Variants in CSMD1 observed in about 807,000 individuals in gnomAD.
CSMD1 encodes the protein CUB and Sushi multiple domains 1, also known as CUB and sushi domain-containing protein 1.
In CSMD1, 213 loss-of-function variants were observed where a neutral mutation model predicts 417.5. The observed-to-expected ratio is 0.51, with a 90% CI of 0.46 to 0.57. The LOEUF (loss-of-function observed/expected upper bound fraction) is 0.57. CSMD1 is among the 20% of genes least tolerant of loss of function. CSMD1 has a pLI of 0.00. For synonymous variants in CSMD1, 2,862 were observed against 1,736.8 expected, an observed-to-expected ratio of 1.65 and a Z score of -16.11; for missense variants, 6,923 against 4,529.7, an observed-to-expected ratio of 1.53 and a Z score of -15.17.
Position 4,692,178 on chromosome 8 carries a change from C to T in CSMD1, c.86-54620G>A, listed in dbSNP as rs114417325. On this transcript the variant is annotated intron_variant, in intron 1 of 69. Coordinates refer to ENST00000635120, the MANE Select transcript of CSMD1 (RefSeq NM_033225.6). ...CTGTCCCTTCTGGAAACCAGCAGCC[C>T]CTGGCCTGACCTCACAGGGAAATCA... 7.7e-3 allele frequency among the ~76,000 whole-genome samples: 1,172 copies of T among 152,236 alleles called. 17 individuals carry two copies. Among genetic ancestry groups the T allele is most frequent in the African/African-American group, 0.026 (1,067 of 41,538 alleles).
intron 3 of CSMD1, among the ~76,000 whole-genome samples, chr8:4,087,359 T>C (rs747085584): frequency 2.0e-5 from 3 of 152,232 alleles, no homozygotes; most frequent in Non-Finnish European, 4.4e-5. Flanking sequence ...AGTCTGAATT[T>C]GCTTCTCAAA....
At chr8:4,233,479 A>T (rs749061957) in intron 3 of CSMD1, among the ~76,000 whole-genome samples, 1 of 152,176 alleles carries the variant, frequency 6.6e-6, no homozygotes, top group African/African-American at 2.4e-5. Context: ...TTTGATTAGG[A>T]AGAAGGAGCT....
At chr8:4,019,777 G>A (rs1172145651) in intron 4 of CSMD1, among the ~76,000 whole-genome samples, 1 of 152,090 alleles carries the variant, frequency 6.6e-6, no homozygotes, top group Non-Finnish European at 1.5e-5. Flanking sequence ...AAGTGGTGGT[G>A]TGTAAAATAA....
intron 3 of CSMD1, among the ~76,000 whole-genome samples, chr8:4,295,159 TATA>T (rs1221813749): frequency 1.4e-5 from 2 of 143,732 alleles, no homozygotes; most frequent in African/African-American, 5.0e-5. Context: ...ATTACGCACA[TATA>T]ATCTTAAGAT....
At chr8:4,156,927 G>T (rs13261295) in intron 3 of CSMD1, among the ~76,000 whole-genome samples, 4 of 152,012 alleles carry the variant, frequency 2.6e-5, no homozygotes, top group Admixed American at 2.0e-4. Context: ...ATTTGTGAGG[G>T]TTACGAAACT....
At chr8:2,972,053 T>C (rs1306032452) in intron 57 of CSMD1, among the ~76,000 whole-genome samples, 1 of 152,174 alleles carries the variant, frequency 6.6e-6, no homozygotes, top group Non-Finnish European at 1.5e-5. Flanking sequence ...AAATATAATA[T>C]ATAAATATGC....
intron 26 of CSMD1, among the ~76,000 whole-genome samples, chr8:3,243,958 G>A (rs375510948): frequency 1.3e-5 from 2 of 152,136 alleles, no homozygotes; most frequent in Non-Finnish European, 2.9e-5. Flanking sequence ...CGAGGTATTA[G>A]TTCATAGAAG....
chr8:3,575,682 G>A (rs750754772), intron 9 of CSMD1, among the ~76,000 whole-genome samples: 2 of 150,936 alleles, frequency 1.3e-5, no homozygotes, highest in Non-Finnish European at 2.9e-5. Context: ...AAAATTTATT[G>A]CAAGTTTAAA....
At chr8:4,690,090 A>G (rs1015700908) in intron 1 of CSMD1, among the ~76,000 whole-genome samples, 9 of 152,244 alleles carry the variant, frequency 5.9e-5, no homozygotes, top group African/African-American at 2.2e-4. Context: ...AAAGCCTTCT[A>G]TAATTTGTTT....
chr8:4,323,986 T>A (rs990325894), intron 3 of CSMD1, among the ~76,000 whole-genome samples: 1 of 152,168 alleles, frequency 6.6e-6, no homozygotes, highest in African/African-American at 2.4e-5. Flanking sequence ...CTCAAGGACT[T>A]CACTGTGATC....
At chr8:4,801,610 G>T (rs749259220) in intron 1 of CSMD1, among the ~76,000 whole-genome samples, 1 of 151,960 alleles carries the variant, frequency 6.6e-6, no homozygotes, top group Non-Finnish European at 1.5e-5. Flanking sequence ...CCTCTATGCC[G>T]CTTTGACACA....
chr8:4,585,768 C>G (rs1191748929), intron 2 of CSMD1, among the ~76,000 whole-genome samples: 1 of 152,068 alleles, frequency 6.6e-6, no homozygotes, highest in East Asian at 1.9e-4. Flanking sequence ...GTGAAACTAT[C>G]CTATAGAAAT....
chr8:4,826,194 T>C (rs1374169631), intron 1 of CSMD1, among the ~76,000 whole-genome samples: 1 of 152,156 alleles, frequency 6.6e-6, no homozygotes, highest in East Asian at 1.9e-4. Flanking sequence ...CCAGTGTTCA[T>C]TGTTGCCTTA....
rs147715796 is a variant in CSMD1 at position 3,614,806 on chromosome 8, C to T, written c.1097+1904G>A. 1.7e-3 allele frequency among the ~76,000 whole-genome samples: 253 copies of T among 152,298 alleles called. 1 individual carries two copies. The highest frequency in any genetic ancestry group is 5.7e-3 in the African/African-American group (235 of 41,576). ...TCACTGAGGATGCAAAGATAAGACA[C>T]TCTCCATTCTGGAGACGCTTAAGAC... is the stretch of plus-strand genomic sequence containing the variant. On this transcript the variant is annotated intron_variant, in intron 8 of 69. Coordinates refer to ENST00000635120, the MANE Select transcript of CSMD1 (RefSeq NM_033225.6).
intron 10 of CSMD1, among the ~76,000 whole-genome samples, chr8:3,573,378 T>C (rs7844661): frequency 0.027 from 4,139 of 152,178 alleles, 176 homozygotes; most frequent in African/African-American, 0.094. Context: ...AAAAACAAGG[T>C]TTGTACCACT....
At chr8:4,905,742 A>AC (rs1480027726) in intron 1 of CSMD1, among the ~76,000 whole-genome samples, 4 of 148,774 alleles carry the variant, frequency 2.7e-5, no homozygotes, top group East Asian at 4.0e-4. Flanking sequence ...ATGGCGTGAA[A>AC]CCGGGAGGCG....
rs143511927 is a variant in CSMD1, at chr8:3,557,176, T to C, written c.1344+17769A>G. On this transcript the variant is annotated intron_variant, in intron 10 of 69. Coordinates refer to ENST00000635120, the MANE Select transcript of CSMD1 (RefSeq NM_033225.6). Reference sequence around the variant, plus strand: ...GTGTGTTACATTCAGAAGACACTTCTATGAAAATAATGTTTTGTTTCTCTG... The same window carrying C: ...GTGTGTTACATTCAGAAGACACTTCCATGAAAATAATGTTTTGTTTCTCTG... 4.4e-3 allele frequency among the ~76,000 whole-genome samples: 674 copies of C among 152,364 alleles called. 6 individuals carry two copies. Among genetic ancestry groups the C allele is most frequent in the African/African-American group, 0.015 (637 of 41,582 alleles).
chr8:3,547,170 A>G (rs1275414877), intron 10 of CSMD1, among the ~76,000 whole-genome samples: 1 of 152,214 alleles, frequency 6.6e-6, no homozygotes, highest in Admixed American at 6.5e-5. Context: ...GCAAAGATGA[A>G]TACCTTGTCT....
chr8:4,733,289 T>A (rs879533446), intron 1 of CSMD1, among the ~76,000 whole-genome samples: 1 of 152,172 alleles, frequency 6.6e-6, no homozygotes, highest in East Asian at 1.9e-4. Flanking sequence ...GAAAAATAAA[T>A]GACTAAAAAT....
Sources: allele counts gnomAD v4.1 joint callset (sites outside exome capture counted in the v4.1 genomes callset), GRCh38; gene constraint gnomAD v4.1.1; transcripts MANE v1.5; gene names NCBI Gene and HGNC (gene_info 2026-07-23, HGNC 2026-07-21).